ATP6V0A1: variants seen among roughly 807,000 people sequenced by gnomAD.
ATP6V0A1 encodes ATPase H+ transporting V0 subunit a1, also known as V-type proton ATPase 116 kDa subunit a 1.
In ATP6V0A1, 43 loss-of-function variants were observed where a neutral mutation model predicts 105.4. The ratio of observed to expected loss-of-function variants is 0.41; its 90% CI spans 0.32 to 0.53. The LOEUF (loss-of-function observed/expected upper bound fraction) is 0.53, where lower values mean the gene tolerates loss of function less well. Ranked by LOEUF, ATP6V0A1 falls within the 20% of genes least tolerant of loss-of-function variation. ATP6V0A1 has a pLI of 0.30. For missense variants in ATP6V0A1, 676 were observed against 1,051.1 expected, an observed-to-expected ratio of 0.64 and a Z score of 4.93; for synonymous variants, 362 against 372.8, an observed-to-expected ratio of 0.97 and a Z score of 0.33.
chr17:42,466,588 G>A (rs2087095380), intron 3 of ATP6V0A1, 81 bp downstream of exon 3: 2 of 1,198,828 alleles, frequency 1.7e-6, no homozygotes, highest in East Asian at 2.4e-5. Flanking sequence ...TCTTAATAGA[G>A]GAAGAAAATG....
chr17:42,504,497 G>A (rs887433378), intron 17 of ATP6V0A1, among the ~76,000 whole-genome samples: 16 of 151,988 alleles, frequency 1.1e-4, no homozygotes, highest in African/African-American at 7.2e-5. Flanking sequence ...TAACCCAGCC[G>A]AGGTTATGCA....
At chr17:42,482,951 G>C in intron 8 of ATP6V0A1, 87 bp from the exon 9 acceptor site, 1 of 807,704 alleles carries the variant, frequency 1.2e-6, no homozygotes, top group Non-Finnish European at 1.7e-6. Flanking sequence ...ACCTAATCCT[G>C]TTTTGGTCCT....
intron 11 of ATP6V0A1, 145 bp from the exon 12 acceptor site, chr17:42,494,189 G>A: frequency 2.5e-6 from 2 of 791,274 alleles, no homozygotes; most frequent in Non-Finnish European, 3.8e-6. Context: ...GTTGCAGTGA[G>A]CCAAGATTGA....
intron 5 of ATP6V0A1, among the ~76,000 whole-genome samples, chr17:42,472,994 A>T (rs1348884641): frequency 1.3e-5 from 2 of 152,196 alleles, no homozygotes; most frequent in African/African-American, 4.8e-5. Context: ...AGGTCTGCTG[A>T]GGATGTGATA....
chr17:42,480,938 A>T (rs2089417973), intron 8 of ATP6V0A1, 189 bp downstream of exon 8: 1 of 479,270 alleles, frequency 2.1e-6, no homozygotes, highest in Non-Finnish European at 3.5e-6. Context: ...TTTGTTGTTC[A>T]GATGGGGGGG....
rs2092855100 is a variant in ATP6V0A1 at position 42,522,557 on chromosome 17, A to G, written c.*1437A>G. 1 of 152,574 alleles carries G rather than the reference A, an allele frequency of 6.6e-6. No homozygotes were observed. Among genetic ancestry groups the G allele is most frequent in the Non-Finnish European group, 1.5e-5 (1 of 68,218 alleles). 9.5% of individuals were successfully genotyped at this position (152,574 alleles called of 1,614,324 possible). ...CTGTTCAGACATTCCTATGTTGAAT[A>G]AAGTATGTTTGACTTCCCCGGAGAA... is the stretch of plus-strand genomic sequence containing the variant. On this transcript the variant is annotated 3_prime_UTR_variant, in exon 22 of 22. Coordinates refer to ENST00000343619, the MANE Select transcript of ATP6V0A1 (RefSeq NM_001130021.3).
chr17:42,474,369 C>T (rs990336680), intron 5 of ATP6V0A1, among the ~76,000 whole-genome samples: 4 of 151,916 alleles, frequency 2.6e-5, no homozygotes, highest in East Asian at 3.9e-4. Flanking sequence ...AGCACAAGAC[C>T]GTGGCTATGA....
intron 10 of ATP6V0A1, 129 bp downstream of exon 10, chr17:42,487,496 G>C: frequency 1.2e-6 from 1 of 832,226 alleles, no homozygotes; most frequent in Non-Finnish European, 1.9e-6. Context: ...GGGAGGCCGA[G>C]GCGGGCAGAT....
chr17:42,517,472 A>G (rs1181455180), intron 21 of ATP6V0A1, among the ~76,000 whole-genome samples: 1 of 152,126 alleles, frequency 6.6e-6, no homozygotes, highest in Non-Finnish European at 1.5e-5. Context: ...TATATGTCGT[A>G]TTTATTTTGG....
At position 42,470,021 on chromosome 17, in the gene ATP6V0A1, G is replaced by T. The variant is rs2087678761; in HGVS notation, c.295-69G>T. The T allele has an allele frequency of 9.2e-6, 13 of 1,417,158 alleles. No homozygotes were observed. In the Admixed American group the frequency reaches 2.1e-4, roughly 23 times the overall value. The allele number at this position is 1,417,158 out of a possible 1,614,324, so 87.8% of individuals were successfully genotyped here. On this transcript the variant is annotated intron_variant, in intron 4 of 21. Transcript: ENST00000343619. ...CGGCTTGGCAACAGTTCTGTGGGATGAATTCATTTAATGTCTTTCAGAGCA... is the reference window on the plus strand; with the variant it reads ...CGGCTTGGCAACAGTTCTGTGGGATTAATTCATTTAATGTCTTTCAGAGCA...
chr17:42,518,351 G>C (rs942130708), intron 21 of ATP6V0A1: 1 of 152,256 alleles, frequency 6.6e-6, no homozygotes, highest in African/African-American at 2.4e-5. Flanking sequence ...ACAGCATGGA[G>C]CAGTTGAGGG....
chr17:42,502,172 A>G (rs1394756276), intron 17 of ATP6V0A1, among the ~76,000 whole-genome samples: 1 of 152,218 alleles, frequency 6.6e-6, no homozygotes, highest in Non-Finnish European at 1.5e-5. Flanking sequence ...GAAAAGTCAC[A>G]AATTTTTACC....
chr17:42,495,301 C>G, intron 13 of ATP6V0A1, 113 bp downstream of exon 13: 1 of 1,101,722 alleles, frequency 9.1e-7, no homozygotes, highest in Non-Finnish European at 1.3e-6. Context: ...AGTGTCTCCT[C>G]ATTCATGCTC....
At chr17:42,515,565 C>T (rs1426198052) in intron 21 of ATP6V0A1, among the ~76,000 whole-genome samples, 1 of 151,762 alleles carries the variant, frequency 6.6e-6, no homozygotes, top group Non-Finnish European at 1.5e-5. Context: ...GCGGGTGGAT[C>T]ACCTGAGGTG....
At chr17:42,468,448 C>T (rs533416611) in intron 4 of ATP6V0A1, among the ~76,000 whole-genome samples, 4 of 152,224 alleles carry the variant, frequency 2.6e-5, no homozygotes, top group South Asian at 2.1e-4. Flanking sequence ...ACTATAGGCA[C>T]CCTACTCTGC....
chr17:42,517,045 T>C (rs539005043), intron 21 of ATP6V0A1, among the ~76,000 whole-genome samples: 1 of 152,250 alleles, frequency 6.6e-6, no homozygotes, highest in East Asian at 1.9e-4. Context: ...TCTGGGAGGC[T>C]GAGGCAGGCA....
chr17:42,501,095 TAAG>T, intron 16 of ATP6V0A1, 99 bp from the exon 17 acceptor site: 1 of 1,166,256 alleles, frequency 8.6e-7, no homozygotes, highest in Non-Finnish European at 1.2e-6. Context: ...CATAGATTAG[TAAG>T]AAAGTACTGT....
At chr17:42,519,221 G>C (rs2092742150) in intron 21 of ATP6V0A1, 1 of 152,264 alleles carries the variant, frequency 6.6e-6, no homozygotes, top group African/African-American at 2.4e-5. Flanking sequence ...AAGGTGACTG[G>C]AGGGGTGCCA....
Position 42,483,071 on chromosome 17 carries a change from A to T in ATP6V0A1, c.750A>T (p.Thr250=), listed in dbSNP as rs768977132. 3 of 1,571,228 alleles carry T rather than the reference A, an allele frequency of 1.9e-6. No homozygotes were observed. The highest frequency in any genetic ancestry group is 2.6e-6 in the Non-Finnish European group (3 of 1,155,680). The part of the protein sequence containing the change: ...FRASLYPCPE[T]PQERKEMASG... ...CCTCACTCTATCCCTGTCCTGAGACACCACAGGAGAGGAAGGAAATGGCTT... is the reference window on the plus strand; with the variant it reads ...CCTCACTCTATCCCTGTCCTGAGACTCCACAGGAGAGGAAGGAAATGGCTT... The change falls in exon 9 of 22, where the codon ACA becomes ACT. Residue 250 remains threonine (T), a synonymous_variant. Transcript: ENST00000343619.
Sources: gnomAD v4.1 joint callset for allele counts (sites outside exome capture counted in the v4.1 genomes callset) on GRCh38, gnomAD v4.1.1 for gene constraint, MANE v1.5 for transcripts, NCBI Gene and HGNC (gene_info 2026-07-23, HGNC 2026-07-21) for gene names.